The following AMPD2 variants were observed in gnomAD, a reference collection of about 807,000 sequenced individuals.
AMPD2 encodes adenosine monophosphate deaminase 2.
Under a neutral mutation model 91.3 loss-of-function variants are expected in AMPD2, and 52 were observed. The observed-to-expected ratio is 0.57, with a 90% CI of 0.46 to 0.72. The LOEUF is 0.72. Ranked by LOEUF, AMPD2 falls within the 30% of genes least tolerant of loss-of-function variation. The pLI, the probability that AMPD2 is intolerant of heterozygous loss-of-function variation, is 0.00. For synonymous variants in AMPD2, 455 were observed against 456.4 expected, an observed-to-expected ratio of 1.00 and a Z score of 0.04; for missense variants, 822 against 1,122.3, an observed-to-expected ratio of 0.73 and a Z score of 3.82.
At position 109,629,222 on chromosome 1, in the gene AMPD2, T is replaced by G. The variant is rs1336608036; in HGVS notation, c.1685T>G (p.Leu562Arg). The G allele has an allele frequency of 6.2e-6, 10 of 1,613,966 alleles. No homozygotes were observed. Among genetic ancestry groups the G allele is most frequent in the East Asian group, 2.2e-5 (1 of 44,884 alleles). ...VHPASHPELH[L>R]FLEHVDGFDS... ...CCTGCCAGCCACCCGGAACTGCATCTCTTCTTAGAGCACGTGAGCAGGCAG... is the reference window on the plus strand; with the variant it reads ...CCTGCCAGCCACCCGGAACTGCATCGCTTCTTAGAGCACGTGAGCAGGCAG... The change falls in exon 14 of 19, where the codon CTC becomes CGC. Residue 562 changes from leucine (L) to arginine (R), a missense_variant. By Grantham distance (102) the Leu-to-Arg change is moderately radical. Around this residue, in one of 5 missense-constraint regions of AMPD2, gnomAD observed 430 missense variants for 606.0 expected, o/e 0.71. Coordinates refer to ENST00000528667, the MANE Select transcript of AMPD2 (RefSeq NM_001368809.2).
Position 109,628,944 on chromosome 1 carries a change from C to T in AMPD2, c.1571+138C>T. On this transcript the variant is annotated intron_variant, in intron 13 of 18. Coordinates refer to ENST00000528667, the MANE Select transcript of AMPD2 (RefSeq NM_001368809.2). The surrounding 1 kb of genome is among the most constrained non-coding windows in gnomAD (Gnocchi z 7.1). ...GAGTGCAAGGAAGGGCTTCCTGGTC[C>T]CATCCATGGTCTGTCCAGCCTGGCC... The T allele has an allele frequency of 7.0e-7, 1 of 1,430,240 alleles. No homozygotes were observed. 88.6% of individuals were successfully genotyped at this position (1,430,240 alleles called of 1,614,324 possible).
chr1:109,622,251 AG>A, intron 2 of AMPD2: 1 of 456,308 alleles, frequency 2.2e-6, no homozygotes, highest in South Asian at 1.5e-5. Flanking sequence ...CCATCCAGAA[AG>A]GGTGTCCCCT....
At chr1:109,620,759 AG>A (rs1650177556) in intron 1 of AMPD2, 154 bp from the exon 2 acceptor site, 2 of 1,269,660 alleles carry the variant, frequency 1.6e-6, no homozygotes, top group Admixed American at 7.6e-5. Flanking sequence ...TTTTTCTTCC[AG>A]GCTAGCTGGA....
intron 7 of AMPD2, 55 bp downstream of exon 7, chr1:109,626,967 A>G: frequency 1.3e-6 from 2 of 1,573,756 alleles, no homozygotes; most frequent in Non-Finnish European, 1.7e-6. Flanking sequence ...TGGGCTTCTC[A>G]GCCTGGTGCC....
At chr1:109,627,052 TTGG>T in intron 7 of AMPD2, 120 bp from the exon 8 acceptor site, 1 of 1,551,886 alleles carries the variant, frequency 6.4e-7, no homozygotes, top group Admixed American at 1.8e-5. Flanking sequence ...GGGGTGGAGG[TTGG>T]GCAGGAGCTG....
intron 4 of AMPD2, 31 bp from the exon 5 acceptor site, chr1:109,626,129 C>T (rs1306258223): frequency 1.9e-6 from 3 of 1,613,280 alleles, no homozygotes; most frequent in Non-Finnish European, 2.5e-6. Flanking sequence ...CCCTCGGGAT[C>T]TGCCTGACTT....
rs12027798 is a variant in AMPD2, at chr1:109,631,352, T to A, written c.*200T>A. The A allele has an allele frequency of 4.3e-5, 27 of 633,376 alleles. No homozygotes were observed. In the East Asian group the frequency reaches 7.2e-4, roughly 17 times the overall value. The allele number at this position is 633,376 out of a possible 1,614,324, so 39.2% of individuals were successfully genotyped here. A position where few individuals can be genotyped will look rare whatever the true frequency, so the allele number is the denominator to read the frequency against. On this transcript the variant is annotated 3_prime_UTR_variant, in exon 19 of 19. Coordinates refer to ENST00000528667, the MANE Select transcript of AMPD2 (RefSeq NM_001368809.2). Reference sequence around the variant, plus strand: ...GCTCATTGTTGTTTGGGCTCAGGTATTGAGCCTGATGGCCCAGGTATTGAG... The same window carrying A: ...GCTCATTGTTGTTTGGGCTCAGGTAATGAGCCTGATGGCCCAGGTATTGAG...
Position 109,624,081 on chromosome 1 carries a change from A to G in AMPD2, c.92-1222A>G, listed in dbSNP as rs1650453764. The G allele has an allele frequency of 2.4e-5, 24 of 985,580 alleles. No individual in the cohort carries two copies. Among genetic ancestry groups the G allele is most frequent in the Non-Finnish European group, 2.8e-5 (23 of 830,088 alleles). The allele number at this position is 985,580 out of a possible 1,614,324, so 61.1% of individuals were successfully genotyped here. A position where few individuals can be genotyped will look rare whatever the true frequency, so the allele number is the denominator to read the frequency against. ...AGGGCTGCTGGCCGGAGCTGCCTGC[A>G]CTCTGCAGGTAGGGTTCAGGCAGGG... On this transcript the variant is annotated intron_variant, in intron 2 of 18. Transcript: ENST00000528667. The surrounding 1 kb of genome is among the most constrained non-coding windows in gnomAD (Gnocchi z 5.2).
At position 109,625,359 on chromosome 1, in the gene AMPD2, CCCG is replaced by C; in HGVS notation, c.151_153del (p.Ala51del). 6.2e-7 allele frequency: 1 copy of C among 1,613,754 alleles called. No homozygotes were observed. The highest frequency in any genetic ancestry group is 1.3e-5 in the African/African-American group (1 of 75,026). ...GCAGTCTGCCCGATCCCTGCCGGGCCCCGCCCCCTGCCTCAAGCACTTCCCGCT... is the reference window on the plus strand; with the variant it reads ...GCAGTCTGCCCGATCCCTGCCGGGCCCCCCCTGCCTCAAGCACTTCCCGCT... On this transcript the variant is annotated inframe_deletion, in exon 3 of 19. Transcript: ENST00000528667. This position sits in a 1 kb window ranked among gnomAD's most constrained non-coding sequence, Gnocchi z 4.0.
rs779170105 is a variant in AMPD2, at chr1:109,625,617, G to C, written c.223-45G>C. ...CCCCAGACTCTGTAGGAGAGTGCCC[G>C]AGGGCGGAGGGCCAGCCATGCTGAC... On this transcript the variant is annotated intron_variant, in intron 3 of 18. Transcript: ENST00000528667. This position sits in a 1 kb window ranked among gnomAD's most constrained non-coding sequence, Gnocchi z 4.0. 2 of 1,608,964 alleles carry C rather than the reference G, an allele frequency of 1.2e-6. No individual in the cohort carries two copies. Among genetic ancestry groups the C allele is most frequent in the Admixed American group, 1.7e-5 (1 of 59,818 alleles).
chr1:109,626,488 G>A (rs1650698366), intron 6 of AMPD2, 61 bp downstream of exon 6: 2 of 1,481,792 alleles, frequency 1.3e-6, no homozygotes, highest in South Asian at 2.5e-5. Context: ...GGTTCCCCCA[G>A]CCTGGAGAGC....
rs146538787 is a variant in AMPD2 at position 109,630,238 on chromosome 1, C to T, written c.1989C>T (p.Pro663=). The T allele has an allele frequency of 1.4e-5, 22 of 1,612,494 alleles. No homozygotes were observed. Among genetic ancestry groups the T allele is most frequent in the East Asian group, 4.5e-5 (2 of 44,890 alleles). The part of the protein sequence containing the change: ...ISHGLLLRKA[P]VLQYLYYLAQ... The stretch of plus-strand genomic sequence containing the variant: ...CCTCCCTGTTGCCTGCCCAGGCCCC[C>T]GTCCTGCAGTACCTGTACTACCTGG... Residue 663 remains proline (P), a synonymous_variant, in exon 17 of 19, where the codon CCC becomes CCT. Coordinates refer to ENST00000528667, the MANE Select transcript of AMPD2 (RefSeq NM_001368809.2).
rs752696018 is a variant in AMPD2, at chr1:109,630,236, C to G, written c.1987C>G (p.Pro663Ala). ...TCCCTCCCTGTTGCCTGCCCAGGCC[C>G]CCGTCCTGCAGTACCTGTACTACCT... ...ISHGLLLRKA[P>A]VLQYLYYLAQ... The change falls in exon 17 of 19, where the codon CCC becomes GCC. Residue 663 changes from proline (P) to alanine (A), a missense_variant. Pro to Ala is a conservative substitution (Grantham distance 27, BLOSUM62 -1). Coordinates refer to ENST00000528667, the MANE Select transcript of AMPD2 (RefSeq NM_001368809.2). The G allele has an allele frequency of 1.2e-6, 2 of 1,612,344 alleles. No individual in the cohort carries two copies. Among genetic ancestry groups the G allele is most frequent in the Non-Finnish European group, 1.7e-6 (2 of 1,180,028 alleles).
At chr1:109,630,910 T>TGCAGCCCTGCCC (rs1557939295) in intron 18 of AMPD2, 33 bp from the exon 19 acceptor site, 1 of 1,611,988 alleles carries the variant, frequency 6.2e-7, no homozygotes, top group East Asian at 2.2e-5. Flanking sequence ...CAGCACTGGC[T>TGCAGCCCTGCCC]GCAGCCCTGC....
Position 109,630,789 on chromosome 1 carries a change from A to C in AMPD2, c.2264A>C (p.His755Pro), listed in dbSNP as rs755818064. ...RNSVLMSGFSHKVKSHWLGPN... is the reference protein window; with the variant it reads ...RNSVLMSGFSPKVKSHWLGPN... The stretch of plus-strand genomic sequence containing the variant: ...AGCGTGCTCATGAGCGGCTTCTCGC[A>C]CAAGGTACTACAGCGCCTGCCTGGA... Residue 755 changes from histidine to proline, a missense_variant, in exon 18 of 19, where the codon CAC (histidine) becomes CCC (proline). Around this residue, in one of 5 missense-constraint regions of AMPD2, gnomAD observed 430 missense variants for 606.0 expected, o/e 0.71. Transcript: ENST00000528667. The C allele has an allele frequency of 6.2e-7, 1 of 1,606,620 alleles. No homozygotes were observed. The highest frequency in any genetic ancestry group is 1.3e-5 in the African/African-American group (1 of 74,840).
rs1018865414 is a variant in AMPD2 at position 109,625,889 on chromosome 1, G to T, written c.353+97G>T. The T allele has an allele frequency of 6.5e-7, 1 of 1,538,704 alleles. No homozygotes were observed. Among genetic ancestry groups the T allele is most frequent in the African/African-American group, 1.4e-5 (1 of 73,406 alleles). ...TCTTTCCCTCGCACCCTGCCTTGGGGGGTCTGCACAGGGAGCATAGAGTGG... is the reference window on the plus strand; with the variant it reads ...TCTTTCCCTCGCACCCTGCCTTGGGTGGTCTGCACAGGGAGCATAGAGTGG... On this transcript the variant is annotated intron_variant, in intron 4 of 18. Coordinates refer to ENST00000528667, the MANE Select transcript of AMPD2 (RefSeq NM_001368809.2). The surrounding 1 kb of genome is among the most constrained non-coding windows in gnomAD (Gnocchi z 4.0).
intron 6 of AMPD2, 134 bp downstream of exon 6, chr1:109,626,561 G>A (rs1650705537): frequency 4.6e-6 from 6 of 1,291,744 alleles, no homozygotes; most frequent in Non-Finnish European, 6.4e-6. Flanking sequence ...AGGGGCAGAG[G>A]GGCTGCCTAG....
At position 109,627,179 on chromosome 1, in the gene AMPD2, C is replaced by G; in HGVS notation, c.723C>G (p.Ala241=). ...QGPDTPVSAD[A]PVHPPALEQH... The stretch of plus-strand genomic sequence containing the variant: ...TTACCCTCCTCACCCCTGCAGATGC[C>G]CCGGTGCACCCCCCTGCGCTGGAGC... Residue 241 remains alanine (A), a synonymous_variant, in exon 8 of 19, where the codon GCC becomes GCG. Transcript: ENST00000528667. 6.2e-7 allele frequency: 1 copy of G among 1,613,008 alleles called. No homozygotes were observed. The highest frequency in any genetic ancestry group is 8.5e-7 in the Non-Finnish European group (1 of 1,179,862).
chr1:109,627,356 G>T, intron 8 of AMPD2, 40 bp downstream of exon 8: 8 of 1,611,628 alleles, frequency 5.0e-6, no homozygotes, highest in Non-Finnish European at 6.8e-6. Flanking sequence ...ATGCAGCGTG[G>T]GAGGTTGCGT....
Sources: allele counts gnomAD v4.1 joint callset, GRCh38; gene constraint gnomAD v4.1.1; regional missense constraint gnomAD v4.1.1; non-coding constraint Gnocchi (gnomAD v3.1); transcripts MANE v1.5; gene names NCBI Gene and HGNC (gene_info 2026-07-23, HGNC 2026-07-21).